The following IGSF21 variants were observed in gnomAD, a reference collection of about 807,000 sequenced individuals.
The protein encoded by IGSF21 is immunoglobin superfamily member 21.
A neutral mutation model predicts 46.8 loss-of-function variants in IGSF21; 28 were observed. The observed-to-expected ratio is 0.60, with a 90% confidence interval of 0.44 to 0.82. IGSF21 has a LOEUF of 0.82. Among genes scored for constraint, IGSF21 ranks in the 40% least tolerant of loss-of-function variants. The pLI is 0.00. For synonymous variants in IGSF21, 284 were observed against 273.6 expected (o/e 1.04, Z -0.38); for missense variants, 624 against 665.5 (o/e 0.94, Z 0.69).
In IGSF21 at chr1:18,121,699, T is replaced by A. The variant is rs75012094; in HGVS notation, c.70+13501T>A. Among the ~76,000 whole-genome samples, 593 of 152,264 alleles carry A rather than the reference T, an allele frequency of 3.9e-3. 6 individuals are homozygous for A. Among genetic ancestry groups the A allele is most frequent in the African/African-American group, 0.013 (559 of 41,550 alleles). ...CCCCGATGCAGGTCCATCTCAGCCA[T>A]TCCTACGTGCTCAGTGGTGTGTGAC... On this transcript the variant is annotated intron_variant, in intron 1 of 9. Coordinates refer to ENST00000251296, the MANE Select transcript of IGSF21 (RefSeq NM_032880.5).
intron 2 of IGSF21, among the ~76,000 whole-genome samples, chr1:18,240,492 GTCTC>G (rs2084716335): frequency 6.6e-6 from 1 of 152,196 alleles, no homozygotes; most frequent in Admixed American, 6.5e-5. Context: ...ATAGTTGAAT[GTCTC>G]TCTCCCAGAA....
rs574482945 is a variant in IGSF21, at chr1:18,310,342, T to C, written c.305+18355T>C. 2.0e-5 allele frequency among the ~76,000 whole-genome samples: 3 copies of C among 152,368 alleles called. No homozygotes were observed. The East Asian group carries it at 5.8e-4, about 29-fold the overall frequency. The stretch of plus-strand genomic sequence containing the variant: ...GGGAGGTGCTATTCTGACTTTTGTA[T>C]GAACTTAGACTAGTTTTTCCTTAAG... On this transcript the variant is annotated intron_variant, in intron 3 of 9. Coordinates refer to ENST00000251296, the MANE Select transcript of IGSF21 (RefSeq NM_032880.5).
chr1:18,195,384 T>G (rs59760909), intron 1 of IGSF21, among the ~76,000 whole-genome samples: 2 of 152,168 alleles, frequency 1.3e-5, no homozygotes, highest in Non-Finnish European at 1.5e-5. Context: ...GGAGCAGGCA[T>G]GGAGACAGGT....
chr1:18,314,285 G>GT (rs5772803), intron 3 of IGSF21, among the ~76,000 whole-genome samples: 38,287 of 125,354 alleles, frequency 0.31, 6,670 homozygotes, highest in East Asian at 0.89. Context: ...TAGCCCAGTG[G>GT]TTTTTTTTTT....
chr1:18,296,813 T>G (rs144887293), intron 3 of IGSF21, among the ~76,000 whole-genome samples: 1 of 152,154 alleles, frequency 6.6e-6, no homozygotes, highest in Non-Finnish European at 1.5e-5. Flanking sequence ...TGCTGTGTCT[T>G]CCATTTCCTG....
chr1:18,185,995 C>T (rs2086899462), intron 1 of IGSF21, among the ~76,000 whole-genome samples: 1 of 152,144 alleles, frequency 6.6e-6, no homozygotes, highest in Non-Finnish European at 1.5e-5. Context: ...AAGTGCCTAG[C>T]CAAATGCCAA....
intron 4 of IGSF21, among the ~76,000 whole-genome samples, chr1:18,360,844 T>A (rs145843336): frequency 2.0e-3 from 311 of 152,298 alleles, no homozygotes; most frequent in African/African-American, 7.1e-3. Context: ...ATTATTCCCA[T>A]TTAGCAAATT....
chr1:18,182,180 T>TA (rs1197186059), intron 1 of IGSF21, among the ~76,000 whole-genome samples: 1 of 149,024 alleles, frequency 6.7e-6, no homozygotes, highest in Non-Finnish European at 1.5e-5. Flanking sequence ...TGTCTTTTTT[T>TA]TTTTTTTTTT....
intron 2 of IGSF21, among the ~76,000 whole-genome samples, chr1:18,289,102 G>A (rs1335367375): frequency 2.0e-5 from 3 of 152,054 alleles, no homozygotes; most frequent in Non-Finnish European, 4.4e-5. Context: ...CCTCAGTCTC[G>A]GCGAATAAAT....
At chr1:18,354,233 T>G (rs933964970) in intron 4 of IGSF21, among the ~76,000 whole-genome samples, 1 of 152,072 alleles carries the variant, frequency 6.6e-6, no homozygotes, top group Non-Finnish European at 1.5e-5. Context: ...GAAGGCCCAG[T>G]GTGTGCAGGG....
intron 3 of IGSF21, among the ~76,000 whole-genome samples, chr1:18,329,794 C>T (rs1235314105): frequency 1.3e-5 from 2 of 152,230 alleles, no homozygotes; most frequent in African/African-American, 4.8e-5. Context: ...GCATGGCATA[C>T]TTCTGTTGAA....
intron 3 of IGSF21, among the ~76,000 whole-genome samples, chr1:18,305,521 GATGGATTATGA>G (rs1405606748): frequency 2.5e-4 from 35 of 138,994 alleles, no homozygotes; most frequent in South Asian, 5.1e-4. Flanking sequence ...TGAATGGATG[GATGGATTATGA>G]ATGGATGGAT....
chr1:18,291,816 C>A, intron 2 of IGSF21, 50 bp from the exon 3 acceptor site: 20 of 1,601,726 alleles, frequency 1.2e-5, no homozygotes, highest in Non-Finnish European at 1.6e-5. Context: ...AAAGGGGTGA[C>A]CAGGGCCGGT....
intron 4 of IGSF21, among the ~76,000 whole-genome samples, chr1:18,343,810 C>A (rs1399636972): frequency 2.6e-5 from 4 of 152,206 alleles, no homozygotes; most frequent in Admixed American, 2.0e-4. Context: ...ATATGTCTAT[C>A]CCTGTGCACG....
At chr1:18,132,917 T>TGGAGGAGGGAGGGGACGGAGACA (rs2086334911) in intron 1 of IGSF21, among the ~76,000 whole-genome samples, 1 of 89,880 alleles carries the variant, frequency 1.1e-5, no homozygotes, top group Non-Finnish European at 2.6e-5. Flanking sequence ...GTGGAGGGAG[T>TGGAGGAGGGAGGGGACGGAGACA]GGGGGAGGGA....
chr1:18,366,907 G>T (rs1376072261), intron 6 of IGSF21, among the ~76,000 whole-genome samples: 1 of 152,162 alleles, frequency 6.6e-6, no homozygotes, highest in Admixed American at 6.5e-5. Context: ...GGGAGATGTG[G>T]AATCTTCGTT....
chr1:18,376,450 C>G, intron 7 of IGSF21, 55 bp downstream of exon 7: 8 of 1,240,294 alleles, frequency 6.5e-6, no homozygotes, highest in South Asian at 1.2e-5. Context: ...GAGGCACCGA[C>G]CCAGCACCAG....
chr1:18,245,905 G>T (rs547619508), intron 2 of IGSF21, among the ~76,000 whole-genome samples: 1 of 152,160 alleles, frequency 6.6e-6, no homozygotes, highest in Non-Finnish European at 1.5e-5. Context: ...CCTCCTGACC[G>T]ATGACTCTCC....
At chr1:18,329,451 G>A (rs183662905) in intron 3 of IGSF21, among the ~76,000 whole-genome samples, 2 of 152,282 alleles carry the variant, frequency 1.3e-5, no homozygotes, top group East Asian at 3.9e-4. Flanking sequence ...GACTCCTGGT[G>A]CAGACTGTTT....
Sources: allele counts gnomAD v4.1 joint callset (sites outside exome capture counted in the v4.1 genomes callset), GRCh38; gene constraint gnomAD v4.1.1; transcripts MANE v1.5; gene names NCBI Gene and HGNC (gene_info 2026-07-23, HGNC 2026-07-21).